PNPLA7: variants seen among roughly 807,000 people sequenced by gnomAD.
PNPLA7 encodes the protein patatin like domain 7, lysophospholipase.
PNPLA7 carries 153 observed loss-of-function variants against 161.7 expected under a neutral mutation model. That is an observed-to-expected ratio of 0.95 (90% CI 0.83 to 1.08). The LOEUF (loss-of-function observed/expected upper bound fraction) is 1.08, where lower values mean the gene tolerates loss of function less well. Among genes scored for constraint, PNPLA7 ranks in the 50% least tolerant of loss-of-function variants. The pLI, the probability that PNPLA7 is intolerant of heterozygous loss-of-function variation, is 0.00. For missense variants in PNPLA7, 1,739 were observed against 1,856.6 expected (o/e 0.94, Z 1.16); for synonymous variants, 809 against 782.1 (o/e 1.03, Z -0.57).
intron 1 of PNPLA7, among the ~76,000 whole-genome samples, chr9:137,549,717 G>A (rs971419256): frequency 1.3e-5 from 2 of 151,992 alleles, no homozygotes; most frequent in Admixed American, 6.6e-5. Flanking sequence ...CCCAGGAGGC[G>A]GAGGTTGCTG....
At chr9:137,492,555 G>C (rs1167443774) in intron 20 of PNPLA7, among the ~76,000 whole-genome samples, 3 of 131,538 alleles carry the variant, frequency 2.3e-5, no homozygotes, top group Non-Finnish European at 5.0e-5. Flanking sequence ...GCGGGTGGGT[G>C]GCCGGGGCTC....
At chr9:137,483,747 G>T (rs915321218) in intron 21 of PNPLA7, among the ~76,000 whole-genome samples, 1 of 152,050 alleles carries the variant, frequency 6.6e-6, no homozygotes, top group African/African-American at 2.4e-5. Context: ...ATGAGCCACC[G>T]CACGTGGCTG....
chr9:137,492,903 G>T (rs1426157268), intron 20 of PNPLA7, 110 bp downstream of exon 20: 1 of 939,506 alleles, frequency 1.1e-6, no homozygotes, highest in Non-Finnish European at 1.6e-6. Context: ...CAGGGCTCCA[G>T]GACAGGGCGG....
intron 18 of PNPLA7, among the ~76,000 whole-genome samples, chr9:137,495,566 C>T (rs1175368804): frequency 6.6e-5 from 10 of 152,106 alleles, no homozygotes; most frequent in South Asian, 2.1e-4. Flanking sequence ...GCCTCAGCCT[C>T]CCGAGTAGCT....
chr9:137,512,427 T>TGGCAGCCATCGGGACGGCA (rs1394127169), intron 12 of PNPLA7, among the ~76,000 whole-genome samples: 2 of 152,256 alleles, frequency 1.3e-5, no homozygotes, highest in African/African-American at 4.8e-5. Context: ...TCACCTCGGC[T>TGGCAGCCATCGGGACGGCA]GGCAGCCATC....
At chr9:137,465,742 G>C (rs573502699) in intron 26 of PNPLA7, among the ~76,000 whole-genome samples, 3 of 152,170 alleles carry the variant, frequency 2.0e-5, no homozygotes, top group African/African-American at 7.2e-5. Context: ...TGCCGCACAG[G>C]GGGTGACGAA....
At chr9:137,521,328 T>C (rs1834980775) in intron 10 of PNPLA7, among the ~76,000 whole-genome samples, 2 of 152,200 alleles carry the variant, frequency 1.3e-5, no homozygotes. Context: ...CGTGTGGGCC[T>C]CCAGAGGGAC....
Position 137,521,696 on chromosome 9 carries a change from C to A in PNPLA7, c.897G>T (p.Gln299His). ...RVVQIIMVRL[Q>H]RVTFLALHNY... ...TGTGCAGAGCCAGAAAGGTCACCCT[C>A]TGCAGCCGCACCATGATGATCTGCA... Residue 299 changes from glutamine (Q) to histidine (H), a missense_variant, in exon 10 of 35, where the codon CAG (glutamine) becomes CAT (histidine). Gln to His is a conservative substitution (Grantham distance 24, BLOSUM62 0). Around this residue, in one of 6 missense-constraint regions of PNPLA7, gnomAD observed 152 missense variants for 193.5 expected, o/e 0.79. Coordinates refer to ENST00000406427, the MANE Select transcript of PNPLA7 (RefSeq NM_001098537.3). 6.2e-7 allele frequency: 1 copy of A among 1,611,548 alleles called. No homozygotes were observed. The highest frequency in any genetic ancestry group is 1.7e-4 in the Middle Eastern group (1 of 6,060).
At chr9:137,460,898 A>G in intron 33 of PNPLA7, 161 bp from the exon 34 acceptor site, 1 of 613,138 alleles carries the variant, frequency 1.6e-6, no homozygotes, top group Non-Finnish European at 2.9e-6. Context: ...AGCCCTGCAC[A>G]CCACCCCTGG....
chr9:137,523,361 G>A lies in PNPLA7; in HGVS notation c.748-504C>T, dbSNP rs1041236537. 4.6e-5 allele frequency among the ~76,000 whole-genome samples: 7 copies of A among 152,086 alleles called. No homozygotes were observed. Among genetic ancestry groups the A allele is most frequent in the African/African-American group, 9.7e-5 (4 of 41,410 alleles). On this transcript the variant is annotated intron_variant, in intron 8 of 34. Coordinates refer to ENST00000406427, the MANE Select transcript of PNPLA7 (RefSeq NM_001098537.3). This position sits in a 1 kb window ranked among gnomAD's most constrained non-coding sequence, Gnocchi z 4.4. ...CCTAGGACAGGGAGCGCGCACTGCC[G>A]GGTCGCACGAGGCCCAGGTGAGGAG...
chr9:137,505,658 A>G lies in PNPLA7; in HGVS notation c.1429T>C (p.Phe477Leu). ...AGCAGGTCCTTCTTGGCAGCTCTGA[A>G]GATGGCATCCGACTTCCTGCTGGCC... ...TLASRKSDAI[F>L]RAAKKDLLTL... The change falls in exon 14 of 35, where the codon TTC becomes CTC. Residue 477 changes from phenylalanine (F) to leucine (L), a missense_variant. Physicochemically the swap from Phe to Leu is conservative, Grantham distance 22 (BLOSUM62 0). This residue lies in a region of PNPLA7 where 481 missense variants were observed against 450.0 expected (regional missense o/e 1.07). Coordinates refer to ENST00000406427, the MANE Select transcript of PNPLA7 (RefSeq NM_001098537.3). 1 of 1,614,114 alleles carries G rather than the reference A, an allele frequency of 6.2e-7. No individual in the cohort carries two copies.
rs1836439002 is a variant in PNPLA7 at position 137,545,340 on chromosome 9, T to C, written c.273+1490A>G. On this transcript the variant is annotated intron_variant, in intron 4 of 34. Transcript: ENST00000406427. Reference sequence around the variant, plus strand: ...CTCAAATCCCAGGGGATGGACTCTGTCCTCAGCTCAGCATCCCAAAGCCTG... The same window carrying C: ...CTCAAATCCCAGGGGATGGACTCTGCCCTCAGCTCAGCATCCCAAAGCCTG... Among the ~76,000 whole-genome samples the C allele has an allele frequency of 2.0e-5, 3 of 152,110 alleles. No homozygotes were observed. In the South Asian group the frequency reaches 6.2e-4, roughly 32 times the overall value.
chr9:137,477,971 C>G, intron 25 of PNPLA7, 63 bp downstream of exon 25: 1 of 1,238,156 alleles, frequency 8.1e-7, no homozygotes, highest in South Asian at 3.1e-5. Context: ...CCTCCTAGCA[C>G]CCGAGGGGGC....
At position 137,462,347 on chromosome 9, in the gene PNPLA7, C is replaced by A; in HGVS notation, c.3493-16G>T. ...TGTTCAACACCTGCTGCCGTCACAG[C>A]CGCCTGAGTCTCCTGCCCCGGCCCC... On this transcript the variant is annotated splice_polypyrimidine_tract_variant and intron_variant, in intron 30 of 34. Coordinates refer to ENST00000406427, the MANE Select transcript of PNPLA7 (RefSeq NM_001098537.3). 6.3e-7 allele frequency: 1 copy of A among 1,583,900 alleles called. No individual in the cohort carries two copies. Among genetic ancestry groups the A allele is most frequent in the Non-Finnish European group, 8.6e-7 (1 of 1,163,268 alleles).
chr9:137,549,927 G>A lies in PNPLA7; in HGVS notation c.30+241C>T, dbSNP rs56715636. On this transcript the variant is annotated intron_variant, in intron 1 of 34. Coordinates refer to ENST00000406427, the MANE Select transcript of PNPLA7 (RefSeq NM_001098537.3). ...CCATGGGCCACCGCTGGCTGCCCTC[G>A]CTGTGAACAATGCCCATGGGCCACC... Among the ~76,000 whole-genome samples the A allele has an allele frequency of 0.025, 3,786 of 152,252 alleles. 158 individuals carry two copies. Among genetic ancestry groups the A allele is most frequent in the African/African-American group, 0.086 (3,586 of 41,540 alleles).
At chr9:137,502,425 T>TC (rs979912055) in intron 14 of PNPLA7, among the ~76,000 whole-genome samples, 22 of 146,980 alleles carry the variant, frequency 1.5e-4, no homozygotes, top group African/African-American at 5.3e-4. Flanking sequence ...TGAAGGCAGC[T>TC]CCCCCCCAAA....
chr9:137,464,926 C>T (rs1831394234), intron 26 of PNPLA7: 2 of 170,634 alleles, frequency 1.2e-5, no homozygotes, highest in Middle Eastern at 2.6e-3. Flanking sequence ...TCACATGCCA[C>T]TGCGGTACTC....
intron 12 of PNPLA7, among the ~76,000 whole-genome samples, chr9:137,511,553 C>A (rs956028290): frequency 3.3e-5 from 5 of 152,184 alleles, no homozygotes; most frequent in African/African-American, 7.2e-5. Flanking sequence ...GCGCCAGCGC[C>A]TGGAAGGCAC....
chr9:137,513,282 G>A (rs1235297026), intron 12 of PNPLA7, among the ~76,000 whole-genome samples: 3 of 152,096 alleles, frequency 2.0e-5, no homozygotes, highest in Non-Finnish European at 4.4e-5. Flanking sequence ...CCTGAGGTTG[G>A]GAGTTTGAGA....
Sources: gnomAD v4.1 joint callset for allele counts (sites outside exome capture counted in the v4.1 genomes callset) on GRCh38, gnomAD v4.1.1 for gene constraint, gnomAD v4.1.1 regional missense constraint, Gnocchi (gnomAD v3.1) non-coding constraint, MANE v1.5 for transcripts, NCBI Gene and HGNC (gene_info 2026-07-23, HGNC 2026-07-21) for gene names.